Variants in CEP112 observed in about 807,000 individuals in gnomAD.
CEP112 encodes the protein centrosomal protein 112.
Under a neutral mutation model 153.0 loss-of-function variants are expected in CEP112, and 127 were observed. The ratio of observed to expected loss-of-function variants is 0.83; its 90% CI spans 0.72 to 0.96. CEP112 has a LOEUF of 0.96. Ranked by LOEUF, CEP112 falls within the 40% of genes least tolerant of loss-of-function variation. CEP112 has a pLI of 0.00. For synonymous variants in CEP112, 358 were observed against 374.4 expected (o/e 0.96, Z 0.51); for missense variants, 1,089 against 1,101.2 (o/e 0.99, Z 0.16).
chr17:65,761,869 T>G (rs2052634087), intron 21 of CEP112, among the ~76,000 whole-genome samples: 1 of 152,166 alleles, frequency 6.6e-6, no homozygotes, highest in Non-Finnish European at 1.5e-5. Context: ...ATGCCGCTGC[T>G]GTTGGATGAA....
chr17:65,648,966 G>T (rs768673817), intron 24 of CEP112, among the ~76,000 whole-genome samples: 1 of 152,118 alleles, frequency 6.6e-6, no homozygotes, highest in Non-Finnish European at 1.5e-5. Flanking sequence ...CAGAAGAATC[G>T]CTTGAAGCCA....
intron 6 of CEP112, among the ~76,000 whole-genome samples, chr17:66,119,434 A>G (rs578197708): frequency 6.6e-6 from 1 of 152,298 alleles, no homozygotes; most frequent in Non-Finnish European, 1.5e-5. Context: ...CTCCATTCTT[A>G]TAGTTTTACC....
intron 24 of CEP112, among the ~76,000 whole-genome samples, chr17:65,667,585 A>ACAC (rs59691344): frequency 6.6e-6 from 1 of 151,600 alleles, no homozygotes; most frequent in African/African-American, 2.4e-5. Context: ...ACACACACAC[A>ACAC]AAACCTATCG....
At chr17:65,708,818 G>T (rs2049035247) in intron 23 of CEP112, among the ~76,000 whole-genome samples, 1 of 152,140 alleles carries the variant, frequency 6.6e-6, no homozygotes, top group Non-Finnish European at 1.5e-5. Flanking sequence ...TATCATCAAG[G>T]TACTTTTACT....
At chr17:65,799,369 G>C (rs1236420843) in intron 21 of CEP112, among the ~76,000 whole-genome samples, 2 of 152,174 alleles carry the variant, frequency 1.3e-5, no homozygotes, top group East Asian at 3.8e-4. Flanking sequence ...CTCATTGTTG[G>C]TTATATCTCA....
intron 22 of CEP112, among the ~76,000 whole-genome samples, chr17:65,744,704 C>T (rs2051342278): frequency 6.6e-6 from 1 of 152,212 alleles, no homozygotes; most frequent in Non-Finnish European, 1.5e-5. Context: ...AATCTGTTCT[C>T]TCCAGACAGC....
chr17:65,685,309 TA>T (rs1166257575), intron 24 of CEP112, among the ~76,000 whole-genome samples: 2 of 152,196 alleles, frequency 1.3e-5, no homozygotes, highest in Non-Finnish European at 2.9e-5. Flanking sequence ...AATCAAAACA[TA>T]GACATTTTTC....
At chr17:65,722,980 G>T (rs1018009696) in intron 23 of CEP112, among the ~76,000 whole-genome samples, 1 of 152,182 alleles carries the variant, frequency 6.6e-6, no homozygotes, top group East Asian at 1.9e-4. Flanking sequence ...TGTCTAGCTG[G>T]GAGGGATTTG....
chr17:65,857,520 G>GT (rs1211247280), intron 20 of CEP112, among the ~76,000 whole-genome samples: 1 of 152,126 alleles, frequency 6.6e-6, no homozygotes, highest in Non-Finnish European at 1.5e-5. Context: ...GACTACAGGT[G>GT]TAAGCCACCA....
intron 16 of CEP112, among the ~76,000 whole-genome samples, chr17:66,026,202 C>T (rs774184412): frequency 6.6e-6 from 1 of 151,966 alleles, no homozygotes; most frequent in African/African-American, 2.4e-5. Context: ...GTAATGGTTA[C>T]ACTAAAAGCC....
chr17:66,020,169 G>C (rs559814389), intron 16 of CEP112, among the ~76,000 whole-genome samples: 125 of 152,290 alleles, frequency 8.2e-4, no homozygotes, highest in Non-Finnish European at 1.5e-3. Context: ...TGGATGGACA[G>C]CCAGTGATCT....
chr17:65,788,715 C>A (rs1419557187), intron 21 of CEP112, among the ~76,000 whole-genome samples: 1 of 152,070 alleles, frequency 6.6e-6, no homozygotes, highest in Non-Finnish European at 1.5e-5. Context: ...ACTCAATCAG[C>A]AGTCATTTTT....
chr17:66,032,739 A>G (rs916827948), intron 12 of CEP112, among the ~76,000 whole-genome samples: 1 of 152,220 alleles, frequency 6.6e-6, no homozygotes, highest in Non-Finnish European at 1.5e-5. Context: ...AAATCAGAGG[A>G]AAAATAGAAA....
intron 18 of CEP112, among the ~76,000 whole-genome samples, chr17:65,939,281 GA>G (rs1258393525): frequency 3.3e-5 from 5 of 152,072 alleles, no homozygotes; most frequent in African/African-American, 1.2e-4. Context: ...CGGATCAGAA[GA>G]ATTAATAGTG....
At chr17:66,131,823 C>G (rs933717208) in intron 5 of CEP112, among the ~76,000 whole-genome samples, 1 of 151,892 alleles carries the variant, frequency 6.6e-6, no homozygotes, top group East Asian at 2.0e-4. Context: ...CTCAAGACAG[C>G]CAGAGTTAGG....
intron 24 of CEP112, among the ~76,000 whole-genome samples, chr17:65,686,801 G>A (rs971091246): frequency 6.6e-6 from 1 of 152,104 alleles, no homozygotes; most frequent in Non-Finnish European, 1.5e-5. Context: ...CCAGGAAGCA[G>A]GAATACAATG....
chr17:66,008,374 G>C (rs752090190), intron 16 of CEP112, among the ~76,000 whole-genome samples: 2 of 151,796 alleles, frequency 1.3e-5, no homozygotes, highest in Non-Finnish European at 2.9e-5. Flanking sequence ...TTTTATTTTT[G>C]AGACAGGGTC....
chr17:66,133,101 AAAAG>A (rs916399753), intron 4 of CEP112, among the ~76,000 whole-genome samples: 7 of 151,818 alleles, frequency 4.6e-5, no homozygotes, highest in African/African-American at 1.7e-4. Flanking sequence ...AAAAAAAAAG[AAAAG>A]AAATACAAGT....
intron 21 of CEP112, among the ~76,000 whole-genome samples, chr17:65,811,510 C>A (rs1259967564): frequency 6.6e-6 from 1 of 152,112 alleles, no homozygotes; most frequent in African/African-American, 2.4e-5. Flanking sequence ...TCTAGTCATA[C>A]CCCTGAACAG....
Sources: allele counts gnomAD v4.1 joint callset (sites outside exome capture counted in the v4.1 genomes callset), GRCh38; gene constraint gnomAD v4.1.1; transcripts MANE v1.5; gene names NCBI Gene and HGNC (gene_info 2026-07-23, HGNC 2026-07-21).